Variants in FOXP1 observed in about 807,000 individuals in gnomAD.
FOXP1 encodes forkhead box protein P1.
A neutral mutation model predicts 98.2 loss-of-function variants in FOXP1; 15 were observed. The ratio of observed to expected loss-of-function variants is 0.15; its 90% confidence interval spans 0.10 to 0.24. The LOEUF (loss-of-function observed/expected upper bound fraction) is 0.24, where lower values mean the gene tolerates loss of function less well. FOXP1 is among the 10% of genes least tolerant of loss of function. The pLI is 1.00. For synonymous variants in FOXP1, 371 were observed against 314.5 expected, an observed-to-expected ratio of 1.18 and a Z score of -1.90; for missense variants, 633 against 848.5, an observed-to-expected ratio of 0.75 and a Z score of 3.15.
intron 5 of FOXP1, among the ~76,000 whole-genome samples, chr3:71,268,362 T>G (rs1352905435): frequency 6.6e-6 from 1 of 152,038 alleles, no homozygotes; most frequent in Non-Finnish European, 1.5e-5. Context: ...CCAAAATGCT[T>G]GAGAACTGAC....
chr3:71,204,572 C>T (rs1360436989), intron 5 of FOXP1, among the ~76,000 whole-genome samples: 2 of 152,132 alleles, frequency 1.3e-5, no homozygotes, highest in African/African-American at 4.8e-5. Flanking sequence ...CATGCTTTTA[C>T]ACTGCTCACC....
chr3:71,488,022 AG>A (rs1194218498), intron 3 of FOXP1, among the ~76,000 whole-genome samples: 1 of 152,208 alleles, frequency 6.6e-6, no homozygotes, highest in Non-Finnish European at 1.5e-5. Flanking sequence ...AATATCTGAA[AG>A]GACAGAAAGG....
intron 12 of FOXP1, among the ~76,000 whole-genome samples, chr3:71,003,725 C>T (rs2042406795): frequency 6.6e-6 from 1 of 152,096 alleles, no homozygotes; most frequent in Non-Finnish European, 1.5e-5. Flanking sequence ...TTTTATCAGC[C>T]TCTGCATGAA....
chr3:71,214,532 C>T (rs2064768126), intron 5 of FOXP1, among the ~76,000 whole-genome samples: 1 of 152,144 alleles, frequency 6.6e-6, no homozygotes, highest in African/African-American at 2.4e-5. Context: ...AAGGGTGTTG[C>T]TACTCCCTGG....
intron 6 of FOXP1, among the ~76,000 whole-genome samples, chr3:71,137,604 T>G (rs2059882323): frequency 6.6e-6 from 1 of 152,048 alleles, no homozygotes; most frequent in Admixed American, 6.6e-5. Flanking sequence ...GTTTGGGAGT[T>G]TTAGCTTTCA....
At chr3:71,290,559 G>C (rs1212642743) in intron 5 of FOXP1, among the ~76,000 whole-genome samples, 2 of 152,072 alleles carry the variant, frequency 1.3e-5, no homozygotes, top group African/African-American at 4.8e-5. Flanking sequence ...ACAGCTCCCA[G>C]AGCGATCCAT....
intron 2 of FOXP1, among the ~76,000 whole-genome samples, chr3:71,569,510 A>G (rs1186996598): frequency 1.3e-5 from 2 of 152,208 alleles, no homozygotes; most frequent in Non-Finnish European, 2.9e-5. Flanking sequence ...AGAATCATAT[A>G]GAAGACAGTT....
chr3:70,987,242 A>C (rs1044362014), intron 14 of FOXP1, among the ~76,000 whole-genome samples: 1 of 152,222 alleles, frequency 6.6e-6, no homozygotes, highest in African/African-American at 2.4e-5. Context: ...ATGACCGTTA[A>C]AGAGATCGAT....
At chr3:71,336,717 A>G (rs1486131418) in intron 4 of FOXP1, among the ~76,000 whole-genome samples, 1 of 152,242 alleles carries the variant, frequency 6.6e-6, no homozygotes, top group African/African-American at 2.4e-5. Context: ...GAATTAATGG[A>G]TCTAGGCAGT....
chr3:71,286,463 C>G (rs2072151010), intron 5 of FOXP1, among the ~76,000 whole-genome samples: 1 of 152,068 alleles, frequency 6.6e-6, no homozygotes, highest in Admixed American at 6.6e-5. Flanking sequence ...AAAGCTGTAA[C>G]TTTTTTAATT....
At chr3:71,497,679 C>T (rs1373336840) in intron 2 of FOXP1, among the ~76,000 whole-genome samples, 2 of 152,176 alleles carry the variant, frequency 1.3e-5, no homozygotes. Flanking sequence ...ATCTGAAGAA[C>T]ACTGCATTGC....
intron 3 of FOXP1, among the ~76,000 whole-genome samples, chr3:71,429,952 CA>C (rs2084545891): frequency 6.6e-6 from 1 of 152,174 alleles, no homozygotes; most frequent in Non-Finnish European, 1.5e-5. Context: ...AAACAAAATT[CA>C]AAATCTTTCC....
At chr3:71,366,496 A>G (rs2078939965) in intron 3 of FOXP1, among the ~76,000 whole-genome samples, 1 of 152,204 alleles carries the variant, frequency 6.6e-6, no homozygotes, top group East Asian at 1.9e-4. Context: ...AGAACAGAAA[A>G]AAATAAAATT....
Position 71,027,051 on chromosome 3 carries a change from G to A in FOXP1, c.870-11398C>T, listed in dbSNP as rs910905173. On this transcript the variant is annotated intron_variant, in intron 11 of 20. Transcript: ENST00000649528. ...CTGGCAGTATTAACACTGGGATCTC[G>A]TTAAGAAAACAGAATGCTTTCCAAA... is the stretch of plus-strand genomic sequence containing the variant. 4.6e-5 allele frequency among the ~76,000 whole-genome samples: 7 copies of A among 152,186 alleles called. No homozygotes were observed. The South Asian group carries it at 1.2e-3, about 27-fold the overall frequency.
At chr3:71,144,761 T>C (rs1431405785) in intron 6 of FOXP1, among the ~76,000 whole-genome samples, 1 of 152,054 alleles carries the variant, frequency 6.6e-6, no homozygotes, top group Non-Finnish European at 1.5e-5. Context: ...TGGATGTGTA[T>C]AATCACCAGC....
At chr3:71,339,969 T>G (rs2076918534) in intron 4 of FOXP1, among the ~76,000 whole-genome samples, 1 of 152,226 alleles carries the variant, frequency 6.6e-6, no homozygotes, top group African/African-American at 2.4e-5. Context: ...CTAAACTATT[T>G]TATTGCTCAT....
intron 20 of FOXP1, among the ~76,000 whole-genome samples, chr3:70,960,717 AAAAAC>A (rs2033183080): frequency 6.6e-6 from 1 of 152,132 alleles, no homozygotes; most frequent in African/African-American, 2.4e-5. Flanking sequence ...TGAACCATTT[AAAAAC>A]AAACAGAGGA....
intron 6 of FOXP1, among the ~76,000 whole-genome samples, chr3:71,163,159 T>G (rs1263277374): frequency 1.3e-5 from 2 of 152,252 alleles, no homozygotes; most frequent in Admixed American, 6.5e-5. Flanking sequence ...TTAGTGGATC[T>G]GCTTCCCAAA....
chr3:71,092,895 T>C (rs1331473740), intron 7 of FOXP1, among the ~76,000 whole-genome samples: 1 of 152,166 alleles, frequency 6.6e-6, no homozygotes, highest in Admixed American at 6.5e-5. Flanking sequence ...TTTAGAGATA[T>C]ATGAAGACAC....
Sources: gnomAD v4.1 joint callset for allele counts (sites outside exome capture counted in the v4.1 genomes callset) on GRCh38, gnomAD v4.1.1 for gene constraint, MANE v1.5 for transcripts, NCBI Gene and HGNC (gene_info 2026-07-23, HGNC 2026-07-21) for gene names.